Variants in LDB2 observed in about 807,000 individuals in gnomAD.
LDB2 encodes the protein LIM domain binding 2.
Under a neutral mutation model 44.3 loss-of-function variants are expected in LDB2, and 12 were observed. The ratio of observed to expected loss-of-function variants is 0.27; its 90% CI spans 0.17 to 0.44. The LOEUF is 0.44. LDB2 is among the 20% of genes least tolerant of loss of function. The probability of loss-of-function intolerance (pLI) is 1.00; values close to 1 mark genes in which losing one functional copy is unlikely to be tolerated. For missense variants in LDB2, 344 were observed against 473.5 expected (o/e 0.73, Z 2.54); for synonymous variants, 164 against 174.8 (o/e 0.94, Z 0.49).
chr4:16,666,505 T>C (rs575294610), intron 2 of LDB2, among the ~76,000 whole-genome samples: 2 of 152,326 alleles, frequency 1.3e-5, no homozygotes, highest in East Asian at 3.9e-4. Flanking sequence ...GGAATAAACA[T>C]GAGCTTCCTG....
chr4:16,879,697 G>GGGA (rs1404805092), intron 1 of LDB2, among the ~76,000 whole-genome samples: 1 of 152,152 alleles, frequency 6.6e-6, no homozygotes, highest in African/African-American at 2.4e-5. Flanking sequence ...AGCAGATCAT[G>GGGA]GGACTTCTCA....
intron 5 of LDB2, among the ~76,000 whole-genome samples, chr4:16,563,535 G>A (rs897282154): frequency 1.2e-4 from 16 of 128,520 alleles, no homozygotes; most frequent in South Asian, 5.4e-4. Context: ...TGCAAACTCC[G>A]CCTCCCGGGT....
chr4:16,555,453 A>G lies in LDB2; in HGVS notation c.615+30469T>C, dbSNP rs929608512. On this transcript the variant is annotated intron_variant, in intron 5 of 7. Transcript: ENST00000304523. ...CCTGCACATGTGTGTACACATACAT[A>G]CACATACACACACCAACAAACATGT... is the stretch of plus-strand genomic sequence containing the variant. 3.9e-5 allele frequency among the ~76,000 whole-genome samples: 6 copies of G among 152,196 alleles called. No individual in the cohort carries two copies. The South Asian group carries it at 1.2e-3, about 32-fold the overall frequency.
intron 2 of LDB2, among the ~76,000 whole-genome samples, chr4:16,716,606 T>C (rs1757124107): frequency 1.3e-5 from 2 of 152,164 alleles, no homozygotes; most frequent in Admixed American, 1.3e-4. Flanking sequence ...TTGAACTCTT[T>C]TCCTCAAATG....
intron 1 of LDB2, among the ~76,000 whole-genome samples, chr4:16,870,456 G>A (rs200634314): frequency 7.0e-6 from 1 of 142,286 alleles, no homozygotes; most frequent in Non-Finnish European, 1.5e-5. Context: ...GAAGGGGTGT[G>A]TATGTGTGGC....
At chr4:16,576,789 C>A (rs1460229048) in intron 5 of LDB2, among the ~76,000 whole-genome samples, 1 of 152,078 alleles carries the variant, frequency 6.6e-6, no homozygotes, top group East Asian at 1.9e-4. Flanking sequence ...AAAGAGAAAA[C>A]TACAGGCCAA....
intron 2 of LDB2, among the ~76,000 whole-genome samples, chr4:16,728,676 G>A (rs775277897): frequency 1.3e-5 from 2 of 152,168 alleles, no homozygotes; most frequent in South Asian, 2.1e-4. Flanking sequence ...ACTGCAATAT[G>A]AAAATATTCT....
At chr4:16,818,091 A>C (rs910959917) in intron 1 of LDB2, among the ~76,000 whole-genome samples, 20 of 152,136 alleles carry the variant, frequency 1.3e-4, no homozygotes, top group Non-Finnish European at 2.4e-4. Flanking sequence ...GGGCTGACCT[A>C]GACAGTCCTT....
At chr4:16,768,045 T>C (rs1284630318) in intron 1 of LDB2, among the ~76,000 whole-genome samples, 1 of 152,222 alleles carries the variant, frequency 6.6e-6, no homozygotes, top group Non-Finnish European at 1.5e-5. Flanking sequence ...ACTTAAGCAC[T>C]GACAGGTTAC....
intron 1 of LDB2, among the ~76,000 whole-genome samples, chr4:16,793,757 G>C (rs919200127): frequency 6.6e-6 from 1 of 152,102 alleles, no homozygotes; most frequent in Admixed American, 6.6e-5. Flanking sequence ...AATGTATTTG[G>C]AGCACAGCTG....
chr4:16,572,579 GTA>G (rs1032865701), intron 5 of LDB2, among the ~76,000 whole-genome samples: 11 of 151,808 alleles, frequency 7.2e-5, no homozygotes, highest in African/African-American at 2.4e-4. Context: ...TTGTTGTTTT[GTA>G]TATATATGTG....
intron 2 of LDB2, among the ~76,000 whole-genome samples, chr4:16,708,472 C>T (rs1040619398): frequency 2.0e-5 from 3 of 152,054 alleles, no homozygotes; most frequent in Admixed American, 1.3e-4. Flanking sequence ...TGGACATGTC[C>T]TCTTCCCCTC....
chr4:16,581,518 G>A, intron 5 of LDB2: 1 of 737,292 alleles, frequency 1.4e-6, no homozygotes, highest in Non-Finnish European at 1.7e-6. Flanking sequence ...AAACAAACTT[G>A]AAACTTATAT....
intron 1 of LDB2, among the ~76,000 whole-genome samples, chr4:16,764,720 C>T (rs755297583): frequency 1.3e-5 from 2 of 152,058 alleles, no homozygotes; most frequent in East Asian, 1.9e-4. Context: ...ACCTGCTGAC[C>T]GTAAACTTAG....
chr4:16,668,685 A>G (rs1221685436), intron 2 of LDB2, among the ~76,000 whole-genome samples: 3 of 152,240 alleles, frequency 2.0e-5, no homozygotes, highest in African/African-American at 7.2e-5. Context: ...CAGATTCTTT[A>G]GAGCAAGTGA....
intron 1 of LDB2, among the ~76,000 whole-genome samples, chr4:16,766,463 CAT>C (rs139111923): frequency 0.61 from 74,040 of 121,776 alleles, 21,865 homozygotes; most frequent in Non-Finnish European, 0.7. Context: ...TATACACACA[CAT>C]ATATGTGTGT....
chr4:16,745,862 A>C (rs751284015), intron 2 of LDB2, among the ~76,000 whole-genome samples: 10 of 151,840 alleles, frequency 6.6e-5, no homozygotes, highest in Non-Finnish European at 1.3e-4. Flanking sequence ...TTTTTAATCC[A>C]AACAGGTCAC....
rs922476458 is a variant in LDB2, at chr4:16,837,246, C to G, written c.132+61108G>C. Among the ~76,000 whole-genome samples, 28 of 152,174 alleles carry G rather than the reference C, an allele frequency of 1.8e-4. 1 individual carries two copies. The highest frequency in any genetic ancestry group is 2.9e-5 in the Non-Finnish European group (2 of 68,036). ...TGACCTTAGGCAACTTAACTAACTT[C>G]AGAATATCTGGAATAATAACATCTA... On this transcript the variant is annotated intron_variant, in intron 1 of 7. Transcript: ENST00000304523.
chr4:16,616,081 T>C (rs140747536), intron 2 of LDB2, among the ~76,000 whole-genome samples: 1,903 of 152,330 alleles, frequency 0.012, 25 homozygotes, highest in Non-Finnish European at 0.02. Context: ...TTAACTTTTC[T>C]TCCTAACATT....
Sources: allele counts gnomAD v4.1 joint callset (sites outside exome capture counted in the v4.1 genomes callset), GRCh38; gene constraint gnomAD v4.1.1; transcripts MANE v1.5; gene names NCBI Gene and HGNC (gene_info 2026-07-23, HGNC 2026-07-21).